GALNT13: variants seen among roughly 807,000 people sequenced by gnomAD.
GALNT13 encodes UDP-GalNAc:polypeptide N-acetylgalactosaminyltransferase 13.
GALNT13 carries 28 observed loss-of-function variants against 64.2 expected under a neutral mutation model. That is an observed-to-expected ratio of 0.44 (90% CI 0.32 to 0.60). GALNT13 has a LOEUF of 0.60. Among genes scored for constraint, GALNT13 ranks in the 20% least tolerant of loss-of-function variants. The pLI is 0.05. For missense variants in GALNT13, 577 were observed against 669.8 expected (o/e 0.86, Z 1.53); for synonymous variants, 214 against 224.6 (o/e 0.95, Z 0.42).
intron 3 of GALNT13, among the ~76,000 whole-genome samples, chr2:154,082,850 A>G (rs1701340446): frequency 6.6e-6 from 1 of 151,912 alleles, no homozygotes; most frequent in Non-Finnish European, 1.5e-5. Flanking sequence ...ATTTCCTCCT[A>G]TTCTGTAGGT....
chr2:153,444,284 G>T, the GALNT13 span, among the ~76,000 whole-genome samples: 11 of 152,196 alleles, frequency 7.2e-5, no homozygotes, highest in African/African-American at 2.6e-4. Context: ...GATCATAAAC[G>T]CCATGGAGTT....
At chr2:153,279,439 G>A in the GALNT13 span, among the ~76,000 whole-genome samples, 2 of 152,090 alleles carry the variant, frequency 1.3e-5, no homozygotes, top group African/African-American at 4.8e-5. Flanking sequence ...TCTTGTTCCA[G>A]TTCTCAAAGG....
the GALNT13 span, among the ~76,000 whole-genome samples, chr2:153,308,654 G>GAA: frequency 7.2e-5 from 11 of 152,214 alleles, no homozygotes; most frequent in Admixed American, 2.6e-4. Context: ...ACTGTATTCT[G>GAA]AAAGATCAAG....
At chr2:153,256,538 G>A in the GALNT13 span, among the ~76,000 whole-genome samples, 1 of 152,190 alleles carries the variant, frequency 6.6e-6, no homozygotes. Flanking sequence ...AGGAGGAGAG[G>A]CGCTCTGCTT....
chr2:153,207,409 G>C, the GALNT13 span, among the ~76,000 whole-genome samples: 1 of 152,058 alleles, frequency 6.6e-6, no homozygotes, highest in Admixed American at 6.5e-5. Context: ...TCTTTCATCA[G>C]AATATGTAAT....
chr2:153,990,718 C>T (rs1157260169), intron 3 of GALNT13, among the ~76,000 whole-genome samples: 1 of 152,070 alleles, frequency 6.6e-6, no homozygotes, highest in African/African-American at 2.4e-5. Context: ...GTGTTAGCAA[C>T]AAGTCTAAAT....
the GALNT13 span, among the ~76,000 whole-genome samples, chr2:153,721,759 A>G: frequency 7.9e-5 from 12 of 151,934 alleles, no homozygotes; most frequent in African/African-American, 2.9e-4. Context: ...GGAGCTAACT[A>G]TCCTAAATAT....
At chr2:153,341,817 T>C in the GALNT13 span, among the ~76,000 whole-genome samples, 4 of 152,224 alleles carry the variant, frequency 2.6e-5, no homozygotes, top group Non-Finnish European at 5.9e-5. Context: ...CAGGCTATTA[T>C]ATTTTTTAGG....
chr2:154,135,558 T>G (rs1682902576), intron 3 of GALNT13, among the ~76,000 whole-genome samples: 1 of 152,160 alleles, frequency 6.6e-6, no homozygotes, highest in African/African-American at 2.4e-5. Flanking sequence ...TAGAATAAAT[T>G]TAGTTGTTTA....
chr2:153,272,710 ATT>A, the GALNT13 span, among the ~76,000 whole-genome samples: 1 of 152,192 alleles, frequency 6.6e-6, no homozygotes, highest in Admixed American at 6.5e-5. Flanking sequence ...GAATGTGGCA[ATT>A]TCTCAAGGAT....
the GALNT13 span, among the ~76,000 whole-genome samples, chr2:153,690,873 C>A: frequency 6.6e-6 from 1 of 152,072 alleles, no homozygotes. Flanking sequence ...ATGAAAACAC[C>A]TGAACGGTAG....
At chr2:153,860,372 G>A in the GALNT13 span, among the ~76,000 whole-genome samples, 2 of 152,172 alleles carry the variant, frequency 1.3e-5, no homozygotes, top group Admixed American at 6.5e-5. Context: ...AGTGAGCAAA[G>A]CAAAGTTCAG....
chr2:154,443,590 T>C (rs1701414938), intron 12 of GALNT13, among the ~76,000 whole-genome samples: 1 of 152,080 alleles, frequency 6.6e-6, no homozygotes, highest in Non-Finnish European at 1.5e-5. Flanking sequence ...TGCAGTCAGT[T>C]CATTAAAATA....
chr2:154,365,003 TC>T (rs1240827937), intron 9 of GALNT13, among the ~76,000 whole-genome samples: 3 of 152,206 alleles, frequency 2.0e-5, no homozygotes, highest in Non-Finnish European at 4.4e-5. Flanking sequence ...ACATTTGCAT[TC>T]TTGTACTTTT....
chr2:153,135,846 A>G, the GALNT13 span, among the ~76,000 whole-genome samples: 20 of 152,168 alleles, frequency 1.3e-4, no homozygotes, highest in Non-Finnish European at 2.1e-4. Flanking sequence ...CTCTGACTAT[A>G]TGTAATAATA....
At chr2:153,104,648 A>G in the GALNT13 span, among the ~76,000 whole-genome samples, 1 of 152,262 alleles carries the variant, frequency 6.6e-6, no homozygotes, top group East Asian at 1.9e-4. Context: ...TAGACTTACT[A>G]TTATTCCAAA....
chr2:153,651,804 A>G, the GALNT13 span, among the ~76,000 whole-genome samples: 2 of 152,206 alleles, frequency 1.3e-5, no homozygotes, highest in African/African-American at 2.4e-5. Context: ...TTGACTATTC[A>G]TTTCCTAAAA....
chr2:153,829,044 A>G, the GALNT13 span, among the ~76,000 whole-genome samples: 1 of 152,098 alleles, frequency 6.6e-6, no homozygotes, highest in Non-Finnish European at 1.5e-5. Context: ...ATCTGAGACA[A>G]CCTCAGCCTG....
chr2:153,513,389 A>G, the GALNT13 span, among the ~76,000 whole-genome samples: 3 of 152,110 alleles, frequency 2.0e-5, no homozygotes, highest in Non-Finnish European at 4.4e-5. Context: ...ATTCCCCTAA[A>G]CACATCAAAT....
Sources: allele counts gnomAD v4.1 joint callset (sites outside exome capture counted in the v4.1 genomes callset), GRCh38; gene constraint gnomAD v4.1.1; transcripts MANE v1.5; gene names NCBI Gene and HGNC (gene_info 2026-07-23, HGNC 2026-07-21).